The following KCTD16 variants were observed in gnomAD, a reference collection of about 807,000 sequenced individuals.
The protein encoded by KCTD16 is BTB/POZ domain-containing protein KCTD16.
In KCTD16, 13 loss-of-function variants were observed where a neutral mutation model predicts 33.2. The observed-to-expected ratio is 0.39, with a 90% CI of 0.25 to 0.62. The LOEUF (loss-of-function observed/expected upper bound fraction) is 0.62, where lower values mean the gene tolerates loss of function less well. Ranked by LOEUF, KCTD16 falls within the 20% of genes least tolerant of loss-of-function variation. The pLI is 0.50. For missense variants in KCTD16, 441 were observed against 525.1 expected, an observed-to-expected ratio of 0.84 and a Z score of 1.57; for synonymous variants, 197 against 195.3, an observed-to-expected ratio of 1.01 and a Z score of -0.07.
intron 3 of KCTD16, among the ~76,000 whole-genome samples, chr5:144,400,483 T>C (rs1016823264): frequency 5.9e-5 from 9 of 152,164 alleles, no homozygotes; most frequent in African/African-American, 2.2e-4. Context: ...ATTTATTTAG[T>C]GTTATTATTG....
At chr5:144,209,830 A>G (rs1753314199) in intron 3 of KCTD16, among the ~76,000 whole-genome samples, 1 of 146,408 alleles carries the variant, frequency 6.8e-6, no homozygotes, top group South Asian at 2.1e-4. Flanking sequence ...ATATATAAAT[A>G]TATATATATT....
intron 2 of KCTD16, among the ~76,000 whole-genome samples, chr5:144,194,610 A>G (rs777843773): frequency 9.2e-5 from 14 of 152,236 alleles, no homozygotes; most frequent in Non-Finnish European, 1.3e-4. Context: ...AGCATTTACT[A>G]TGGGCCAGTT....
intron 3 of KCTD16, among the ~76,000 whole-genome samples, chr5:144,373,819 G>A (rs911703478): frequency 2.6e-5 from 4 of 152,198 alleles, no homozygotes; most frequent in Non-Finnish European, 5.9e-5. Flanking sequence ...AGGTTAGTTA[G>A]CCCATGTGAT....
At chr5:144,460,343 G>T (rs978429262) in intron 3 of KCTD16, among the ~76,000 whole-genome samples, 3 of 152,108 alleles carry the variant, frequency 2.0e-5, no homozygotes, top group African/African-American at 7.2e-5. Context: ...CCCTGGCCAT[G>T]GCATCTGAAC....
At chr5:144,354,393 C>A (rs528326980) in intron 3 of KCTD16, among the ~76,000 whole-genome samples, 109 of 152,248 alleles carry the variant, frequency 7.2e-4, no homozygotes, top group African/African-American at 2.5e-3. Flanking sequence ...AAACCATTTT[C>A]AAAAATCCAA....
intron 3 of KCTD16, among the ~76,000 whole-genome samples, chr5:144,298,514 T>C (rs1201162670): frequency 6.6e-6 from 1 of 152,114 alleles, no homozygotes; most frequent in East Asian, 1.9e-4. Context: ...AGGTACTCAA[T>C]TGTGACAGTG....
At chr5:144,436,745 G>A (rs568286151) in intron 3 of KCTD16, among the ~76,000 whole-genome samples, 26 of 151,680 alleles carry the variant, frequency 1.7e-4, no homozygotes, top group East Asian at 1.4e-3. Context: ...ATGCCGCCAC[G>A]CCCAGCTAAT....
At chr5:144,354,897 T>C (rs1172602970) in intron 3 of KCTD16, among the ~76,000 whole-genome samples, 3 of 152,210 alleles carry the variant, frequency 2.0e-5, no homozygotes, top group Admixed American at 1.3e-4. Context: ...TCATTAATAA[T>C]AGGTAACATT....
At chr5:144,274,360 T>C (rs1311002663) in intron 3 of KCTD16, among the ~76,000 whole-genome samples, 1 of 152,050 alleles carries the variant, frequency 6.6e-6, no homozygotes, top group East Asian at 1.9e-4. Context: ...AGTAGAGCAA[T>C]GAATAGTGGA....
chr5:144,186,434 A>G (rs1752729244), intron 2 of KCTD16, among the ~76,000 whole-genome samples: 1 of 151,992 alleles, frequency 6.6e-6, no homozygotes. Flanking sequence ...AGTTTAAATA[A>G]AAAATTGTAC....
intron 3 of KCTD16, among the ~76,000 whole-genome samples, chr5:144,285,669 G>T (rs1267875542): frequency 6.6e-6 from 1 of 152,148 alleles, no homozygotes; most frequent in Non-Finnish European, 1.5e-5. Context: ...TACAAATATG[G>T]AACTAATGAG....
intron 3 of KCTD16, among the ~76,000 whole-genome samples, chr5:144,229,750 T>C (rs1215243763): frequency 6.6e-6 from 1 of 152,166 alleles, no homozygotes; most frequent in Non-Finnish European, 1.5e-5. Context: ...CTCTGTGCCA[T>C]GGCCAATGAA....
intron 3 of KCTD16, among the ~76,000 whole-genome samples, chr5:144,387,863 C>T (rs1752359946): frequency 6.6e-6 from 1 of 152,014 alleles, no homozygotes; most frequent in African/African-American, 2.4e-5. Flanking sequence ...TTTTAGAGCC[C>T]CTTCCCCCTT....
chr5:144,269,176 A>G (rs1051030089), intron 3 of KCTD16, among the ~76,000 whole-genome samples: 5 of 152,080 alleles, frequency 3.3e-5, no homozygotes, highest in Non-Finnish European at 7.4e-5. Flanking sequence ...CAGAGAGAAT[A>G]TTTGAAGAAA....
intron 3 of KCTD16, among the ~76,000 whole-genome samples, chr5:144,347,630 GAGA>G (rs1241584247): frequency 6.6e-6 from 1 of 152,162 alleles, no homozygotes; most frequent in Non-Finnish European, 1.5e-5. Flanking sequence ...GCCTCTACAT[GAGA>G]AGAAGCCAGA....
intron 3 of KCTD16, among the ~76,000 whole-genome samples, chr5:144,445,189 A>G (rs570965783): frequency 2.0e-5 from 3 of 151,886 alleles, no homozygotes; most frequent in African/African-American, 4.8e-5. Context: ...ATTCTAAGAC[A>G]TTCTCTTTTG....
intron 3 of KCTD16, among the ~76,000 whole-genome samples, chr5:144,309,963 C>CT (rs1267729630): frequency 6.6e-6 from 1 of 151,108 alleles, no homozygotes; most frequent in African/African-American, 2.4e-5. Context: ...TTTGTGAAAT[C>CT]TTTTTTGGTC....
chr5:144,234,211 C>G (rs1580809150), intron 3 of KCTD16, among the ~76,000 whole-genome samples: 1 of 152,144 alleles, frequency 6.6e-6, no homozygotes, highest in East Asian at 1.9e-4. Context: ...GTTCCAAATT[C>G]AAAAGTCAAG....
chr5:144,419,347 C>A lies in KCTD16; in HGVS notation c.833-54313C>A, dbSNP rs576002955. On this transcript the variant is annotated intron_variant, in intron 3 of 3. Transcript: ENST00000512467. Reference sequence around the variant, plus strand: ...ATCACCTTTTAGCCTACTTTACTTGCTTTTCTCTTATGACCAAAACAAAAA... The same window carrying A: ...ATCACCTTTTAGCCTACTTTACTTGATTTTCTCTTATGACCAAAACAAAAA... Among the ~76,000 whole-genome samples, 5 of 152,236 alleles carry A rather than the reference C, an allele frequency of 3.3e-5. No homozygotes were observed. The South Asian group carries it at 1.0e-3, about 32-fold the overall frequency.
Sources: gnomAD v4.1 joint callset for allele counts (sites outside exome capture counted in the v4.1 genomes callset) on GRCh38, gnomAD v4.1.1 for gene constraint, MANE v1.5 for transcripts, NCBI Gene and HGNC (gene_info 2026-07-23, HGNC 2026-07-21) for gene names.